The following MEF2A variants were observed in gnomAD, a reference collection of about 807,000 sequenced individuals.
The protein encoded by MEF2A is myocyte-specific enhancer factor 2A.
MEF2A carries 28 observed loss-of-function variants against 55.8 expected under a neutral mutation model. The ratio of observed to expected loss-of-function variants is 0.50; its 90% CI spans 0.37 to 0.69. MEF2A has a LOEUF of 0.69. Among genes scored for constraint, MEF2A ranks in the 30% least tolerant of loss-of-function variants. The pLI, the probability that MEF2A is intolerant of heterozygous loss-of-function variation, is 0.00. For missense variants in MEF2A, 528 were observed against 626.2 expected (o/e 0.84, Z 1.67); for synonymous variants, 239 against 227.1 (o/e 1.05, Z -0.47).
At chr15:99,706,634 A>G in intron 9 of MEF2A, 95 bp from the exon 10 acceptor site, 1 of 1,398,666 alleles carries the variant, frequency 7.1e-7, no homozygotes, top group Non-Finnish European at 1.0e-6. Flanking sequence ...TGACATTCAT[A>G]TGAAACTGTG....
At chr15:99,634,732 A>G (rs183522937) in intron 3 of MEF2A, among the ~76,000 whole-genome samples, 11 of 152,334 alleles carry the variant, frequency 7.2e-5, no homozygotes, top group Admixed American at 7.2e-4. Flanking sequence ...TGTTGAAAAG[A>G]TAGATACTGC....
chr15:99,656,816 A>G (rs2153546422), intron 4 of MEF2A, among the ~76,000 whole-genome samples: 1 of 152,116 alleles, frequency 6.6e-6, no homozygotes, highest in Non-Finnish European at 1.5e-5. Context: ...TATAATTCGT[A>G]TACCATAAAA....
chr15:99,691,134 T>C (rs1184874179), intron 8 of MEF2A, among the ~76,000 whole-genome samples: 1 of 95,946 alleles, frequency 1.0e-5, no homozygotes, highest in East Asian at 3.4e-4. Context: ...TTTTAAGGAG[T>C]GAAATTTAGT....
At chr15:99,578,201 TG>T (rs1483783374) in intron 1 of MEF2A, among the ~76,000 whole-genome samples, 1 of 152,258 alleles carries the variant, frequency 6.6e-6, no homozygotes, top group Non-Finnish European at 1.5e-5. Flanking sequence ...GTGATTTCCT[TG>T]TTCCTTTCTC....
At position 99,647,319 on chromosome 15, in the gene MEF2A, T is replaced by C. The variant is rs188328647; in HGVS notation, c.258+1555T>C. Among the ~76,000 whole-genome samples the C allele has an allele frequency of 9.9e-4, 150 of 152,268 alleles. 1 individual carries two copies. The highest frequency in any genetic ancestry group is 3.4e-4 in the Non-Finnish European group (23 of 67,998). Reference sequence around the variant, plus strand: ...AAAATAGCTTCTTATCTTATAAATCTATATGTCTCATCAAAAGTTACACTG... The same window carrying C: ...AAAATAGCTTCTTATCTTATAAATCCATATGTCTCATCAAAAGTTACACTG... On this transcript the variant is annotated intron_variant, in intron 4 of 11. Coordinates refer to ENST00000557942, the MANE Select transcript of MEF2A (RefSeq NM_001319206.4).
intron 3 of MEF2A, among the ~76,000 whole-genome samples, chr15:99,641,928 GCATTGAA>G (rs2045058901): frequency 6.6e-6 from 1 of 152,162 alleles, no homozygotes; most frequent in Non-Finnish European, 1.5e-5. Flanking sequence ...TGAGCGTGCA[GCATTGAA>G]CTTTTTTCAA....
chr15:99,709,105 G>C (rs1226326228), intron 10 of MEF2A, among the ~76,000 whole-genome samples: 1 of 152,210 alleles, frequency 6.6e-6, no homozygotes, highest in Non-Finnish European at 1.5e-5. Context: ...AGCCACATCA[G>C]AGGCTACTGT....
At chr15:99,570,924 C>T (rs1040397490) in intron 1 of MEF2A, among the ~76,000 whole-genome samples, 14 of 151,940 alleles carry the variant, frequency 9.2e-5, no homozygotes, top group African/African-American at 2.7e-4. Context: ...GTGGCTCATG[C>T]CTGTAATTCC....
chr15:99,714,080 C>G lies in MEF2A; in HGVS notation c.*1309C>G, dbSNP rs1177976826. ...AGGATTGTATAAAGGGGTTTCTCCC[C>G]TCACTGGTGGTGAATGTGTGATGTT... On this transcript the variant is annotated 3_prime_UTR_variant, in exon 12 of 12. Transcript: ENST00000557942. The G allele has an allele frequency of 6.6e-6, 1 of 152,110 alleles. No individual in the cohort carries two copies. The allele number at this position is 152,110 out of a possible 1,614,324, so 9.4% of individuals were successfully genotyped here.
At chr15:99,608,347 C>G (rs1251635599) in intron 2 of MEF2A, among the ~76,000 whole-genome samples, 1 of 152,196 alleles carries the variant, frequency 6.6e-6, no homozygotes, top group African/African-American at 2.4e-5. Context: ...TAGTAACAGG[C>G]TGTAAACAGT....
At chr15:99,645,907 T>C (rs1023015186) in intron 4 of MEF2A, 143 bp downstream of exon 4, 15 of 593,804 alleles carry the variant, frequency 2.5e-5, no homozygotes, top group Admixed American at 1.9e-4. Flanking sequence ...CTTAGAAGAG[T>C]GATTGCTGTA....
At chr15:99,578,213 A>G (rs1049915734) in intron 1 of MEF2A, among the ~76,000 whole-genome samples, 2 of 152,116 alleles carry the variant, frequency 1.3e-5, no homozygotes, top group African/African-American at 4.8e-5. Flanking sequence ...TTCCTTTCTC[A>G]TTTATTAAAA....
chr15:99,660,991 A>G (rs773577668), intron 4 of MEF2A, among the ~76,000 whole-genome samples: 6 of 152,196 alleles, frequency 3.9e-5, no homozygotes, highest in Non-Finnish European at 5.9e-5. Flanking sequence ...ATATATTGAG[A>G]CTAATTTTAA....
chr15:99,706,626 A>G (rs1352270499), intron 9 of MEF2A, 103 bp from the exon 10 acceptor site: 6 of 1,290,360 alleles, frequency 4.6e-6, no homozygotes, highest in Non-Finnish European at 6.7e-6. Flanking sequence ...TCAGAAAATG[A>G]CATTCATATG....
chr15:99,689,088 T>C (rs1489698738), intron 7 of MEF2A, among the ~76,000 whole-genome samples: 3 of 152,366 alleles, frequency 2.0e-5, no homozygotes, highest in African/African-American at 7.2e-5. Context: ...CCAAAAGTAT[T>C]ATATACATAG....
intron 3 of MEF2A, among the ~76,000 whole-genome samples, chr15:99,636,863 T>C (rs1421152175): frequency 2.6e-5 from 4 of 152,166 alleles, no homozygotes; most frequent in Non-Finnish European, 4.4e-5. Context: ...TTTTTGTGTT[T>C]GGTTTGAGGT....
At position 99,577,423 on chromosome 15, in the gene MEF2A, G is replaced by A. The variant is rs527719389; in HGVS notation, c.-225+11319G>A. ...AGGTGCTGCAAGGCTTGGCTTTCAC[G>A]GTCAGGGGGGAGTATGGACATAGAC... is the stretch of plus-strand genomic sequence containing the variant. On this transcript the variant is annotated intron_variant, in intron 1 of 11. Coordinates refer to ENST00000557942, the MANE Select transcript of MEF2A (RefSeq NM_001319206.4). Among the ~76,000 whole-genome samples, 168 of 93,656 alleles carry A rather than the reference G, an allele frequency of 1.8e-3. 1 individual carries two copies. Among genetic ancestry groups the A allele is most frequent in the Non-Finnish European group, 4.2e-3 (152 of 36,618 alleles). 61.4% of individuals were successfully genotyped at this position (93,656 alleles called of 152,430 possible).
At chr15:99,701,718 TATACATAC>T (rs2057407082) in intron 8 of MEF2A, among the ~76,000 whole-genome samples, 1 of 152,204 alleles carries the variant, frequency 6.6e-6, no homozygotes, top group African/African-American at 2.4e-5. Context: ...GTTTAAAATA[TATACATAC>T]ATACATAACA....
Position 99,712,077 on chromosome 15 carries a change from C to T in MEF2A, c.1137-313C>T, listed in dbSNP as rs930169629. On this transcript the variant is annotated intron_variant, in intron 11 of 11. Coordinates refer to ENST00000557942, the MANE Select transcript of MEF2A (RefSeq NM_001319206.4). The surrounding 1 kb of genome is among the most constrained non-coding windows in gnomAD (Gnocchi z 4.1). Reference sequence around the variant, plus strand: ...GTGAGCAGATGAGGCTGCTGTTCCTCTGTCTTTCTGGTCCCTGCACAGCAT... The same window carrying T: ...GTGAGCAGATGAGGCTGCTGTTCCTTTGTCTTTCTGGTCCCTGCACAGCAT... 1.3e-5 allele frequency among the ~76,000 whole-genome samples: 2 copies of T among 152,224 alleles called. No homozygotes were observed. The highest frequency in any genetic ancestry group is 1.3e-4 in the Admixed American group (2 of 15,282).
Sources: gnomAD v4.1 joint callset for allele counts (sites outside exome capture counted in the v4.1 genomes callset) on GRCh38, gnomAD v4.1.1 for gene constraint, Gnocchi (gnomAD v3.1) non-coding constraint, MANE v1.5 for transcripts, NCBI Gene and HGNC (gene_info 2026-07-23, HGNC 2026-07-21) for gene names.